The following CDK8 variants were observed in gnomAD, a reference collection of about 807,000 sequenced individuals.
CDK8 encodes the protein cyclin dependent kinase 8.
A neutral mutation model predicts 71.5 loss-of-function variants in CDK8; 29 were observed. The ratio of observed to expected loss-of-function variants is 0.41; its 90% CI spans 0.30 to 0.55. CDK8 has a LOEUF of 0.55. Ranked by LOEUF, CDK8 falls within the 20% of genes least tolerant of loss-of-function variation. CDK8 has a pLI of 0.37. For missense variants in CDK8, 288 were observed against 572.6 expected (o/e 0.50, Z 5.07); for synonymous variants, 161 against 192.1 (o/e 0.84, Z 1.34).
intron 1 of CDK8, among the ~76,000 whole-genome samples, chr13:26,306,604 C>G (rs1266107498): frequency 1.3e-5 from 2 of 150,616 alleles, no homozygotes; most frequent in Admixed American, 6.6e-5. Flanking sequence ...TACTTCCCTC[C>G]CTTTGCCCCT....
intron 1 of CDK8, among the ~76,000 whole-genome samples, chr13:26,296,552 A>T (rs1873570868): frequency 1.3e-5 from 2 of 152,222 alleles, no homozygotes; most frequent in Non-Finnish European, 2.9e-5. Context: ...TCTGGGTGAT[A>T]TCAGGTACTG....
intron 4 of CDK8, among the ~76,000 whole-genome samples, chr13:26,354,872 C>T (rs1222822402): frequency 6.6e-6 from 1 of 152,112 alleles, no homozygotes; most frequent in Admixed American, 6.5e-5. Flanking sequence ...TCAAATTGCC[C>T]TTTCTTACTA....
intron 1 of CDK8, among the ~76,000 whole-genome samples, chr13:26,320,823 C>T (rs910884257): frequency 2.0e-5 from 3 of 152,166 alleles, no homozygotes; most frequent in African/African-American, 7.2e-5. Context: ...CAGTGAGGTA[C>T]ACCTCACACT....
In CDK8 at chr13:26,254,587, CCACCCCTG is replaced by C; in HGVS notation, c.-53_-46del. The C allele has an allele frequency of 1.2e-5, 16 of 1,322,056 alleles. No individual in the cohort carries two copies. Among genetic ancestry groups the C allele is most frequent in the Non-Finnish European group, 1.6e-5 (15 of 956,054 alleles). 81.9% of individuals were successfully genotyped at this position (1,322,056 alleles called of 1,614,324 possible). ...GCGGCTGCCCGTGCTTCCCCGGTCC[CCACCCCTG>C]CCCCCCGGCCCCCCGACCCAGCTCT... On this transcript the variant is annotated 5_prime_UTR_variant, in exon 1 of 13. Transcript: ENST00000381527. This position sits in a 1 kb window ranked among gnomAD's most constrained non-coding sequence, Gnocchi z 6.7.
chr13:26,319,651 A>G (rs546708641), intron 1 of CDK8, among the ~76,000 whole-genome samples: 4 of 150,842 alleles, frequency 2.7e-5, no homozygotes, highest in African/African-American at 4.9e-5. Flanking sequence ...TTGATTACAG[A>G]TTTAGTGCAA....
At chr13:26,392,949 GT>G (rs1346697006) in intron 6 of CDK8, among the ~76,000 whole-genome samples, 1 of 150,164 alleles carries the variant, frequency 6.7e-6, no homozygotes, top group Admixed American at 6.6e-5. Context: ...TTCAAATACT[GT>G]TTGGGTTTTC....
chr13:26,318,826 G>A (rs1217684427), intron 1 of CDK8, among the ~76,000 whole-genome samples: 2 of 152,114 alleles, frequency 1.3e-5, no homozygotes, highest in African/African-American at 4.8e-5. Context: ...CATGATATGA[G>A]CTATACCTGA....
At chr13:26,335,952 ACAG>A (rs1158500243) in intron 1 of CDK8, among the ~76,000 whole-genome samples, 191 of 146,364 alleles carry the variant, frequency 1.3e-3, no homozygotes, top group African/African-American at 4.5e-3. Context: ...AACAACAACA[ACAG>A]ACCTTTAAAG....
At chr13:26,289,737 A>C (rs1242828288) in intron 1 of CDK8, among the ~76,000 whole-genome samples, 2 of 151,906 alleles carry the variant, frequency 1.3e-5, no homozygotes, top group Admixed American at 6.6e-5. Context: ...TTTTTAGTAG[A>C]GATGGGGTTT....
intron 4 of CDK8, among the ~76,000 whole-genome samples, chr13:26,355,678 T>A (rs1873866382): frequency 6.6e-6 from 1 of 152,126 alleles, no homozygotes; most frequent in Non-Finnish European, 1.5e-5. Flanking sequence ...CTTTGGCATT[T>A]TGTGAAGCTC....
chr13:26,308,823 CT>C lies in CDK8; in HGVS notation c.129-28742del, dbSNP rs529222996. Among the ~76,000 whole-genome samples the C allele has an allele frequency of 1.6e-3, 246 of 152,196 alleles. 1 individual carries two copies. Among genetic ancestry groups the C allele is most frequent in the Non-Finnish European group, 2.2e-3 (148 of 68,036 alleles). ...TTTGGCTTCTGCCTCCCTCATTCCA[CT>C]TAACTGTACTTGCTAATGTCACTGT... On this transcript the variant is annotated intron_variant, in intron 1 of 12. Transcript: ENST00000381527.
intron 1 of CDK8, among the ~76,000 whole-genome samples, chr13:26,274,664 CT>C (rs1471139604): frequency 2.0e-5 from 3 of 152,066 alleles, no homozygotes; most frequent in Non-Finnish European, 4.4e-5. Context: ...TTCTCCTGAC[CT>C]CGTGATCCGC....
intron 4 of CDK8, among the ~76,000 whole-genome samples, chr13:26,360,862 G>T (rs1410032842): frequency 6.6e-6 from 1 of 152,024 alleles, no homozygotes; most frequent in Non-Finnish European, 1.5e-5. Flanking sequence ...CAGTGAAGTG[G>T]TGCACAAAAG....
At chr13:26,319,340 A>G (rs143187648) in intron 1 of CDK8, among the ~76,000 whole-genome samples, 6,548 of 152,000 alleles carry the variant, frequency 0.043, 443 homozygotes, top group African/African-American at 0.15. Flanking sequence ...GTGGTGGCGG[A>G]TGCCTGTAAT....
rs888488137 is a variant in CDK8, at chr13:26,273,398, T to G, written c.128+18629T>G. Among the ~76,000 whole-genome samples, 3 of 152,174 alleles carry G rather than the reference T, an allele frequency of 2.0e-5. No homozygotes were observed. The East Asian group carries it at 5.8e-4, about 29-fold the overall frequency. ...CTACATCTGGTATTATTTTTCACTT[T>G]TCTAATAGATTATAATGTTGGATAT... On this transcript the variant is annotated intron_variant, in intron 1 of 12. Coordinates refer to ENST00000381527, the MANE Select transcript of CDK8 (RefSeq NM_001260.3).
intron 2 of CDK8, among the ~76,000 whole-genome samples, chr13:26,341,356 ACCTT>A (rs1873231433): frequency 6.6e-6 from 1 of 151,760 alleles, no homozygotes; most frequent in Admixed American, 6.6e-5. Flanking sequence ...CAAACTCCTA[ACCTT>A]GTGATCCACC....
At chr13:26,329,848 G>A (rs1402384443) in intron 1 of CDK8, among the ~76,000 whole-genome samples, 1 of 152,106 alleles carries the variant, frequency 6.6e-6, no homozygotes, top group Non-Finnish European at 1.5e-5. Flanking sequence ...GTCACCGGTA[G>A]CCATTTATTT....
chr13:26,349,859 T>A (rs1873615166), intron 3 of CDK8, among the ~76,000 whole-genome samples: 1 of 152,220 alleles, frequency 6.6e-6, no homozygotes, highest in Admixed American at 6.5e-5. Context: ...TACAGTATAG[T>A]CATGCGCCAT....
At chr13:26,328,004 G>C (rs1291930063) in intron 1 of CDK8, among the ~76,000 whole-genome samples, 1 of 148,790 alleles carries the variant, frequency 6.7e-6, no homozygotes, top group Non-Finnish European at 1.5e-5. Flanking sequence ...TCCCTAGTTG[G>C]AAATACTGTG....
Sources: allele counts gnomAD v4.1 joint callset (sites outside exome capture counted in the v4.1 genomes callset), GRCh38; gene constraint gnomAD v4.1.1; non-coding constraint Gnocchi (gnomAD v3.1); transcripts MANE v1.5; gene names NCBI Gene and HGNC (gene_info 2026-07-23, HGNC 2026-07-21).